Variants in ARHGEF12 observed in about 807,000 individuals in gnomAD.
ARHGEF12 encodes Rho guanine nucleotide exchange factor 12.
A neutral mutation model predicts 211.2 loss-of-function variants in ARHGEF12; 66 were observed. The ratio of observed to expected loss-of-function variants is 0.31; its 90% CI spans 0.26 to 0.38. The LOEUF (loss-of-function observed/expected upper bound fraction) is 0.38, where lower values mean the gene tolerates loss of function less well. ARHGEF12 is among the 10% of genes least tolerant of loss of function. The probability of loss-of-function intolerance (pLI) is 1.00; values close to 1 mark genes in which losing one functional copy is unlikely to be tolerated. For synonymous variants in ARHGEF12, 592 were observed against 638.4 expected (o/e 0.93, Z 1.09); for missense variants, 1,429 against 1,869.5 (o/e 0.76, Z 4.34).
At chr11:120,437,241 C>A in intron 11 of ARHGEF12, 67 bp from the exon 12 acceptor site, 3 of 1,124,718 alleles carry the variant, frequency 2.7e-6, no homozygotes, top group Non-Finnish European at 3.8e-6. Context: ...TTTTTTCACA[C>A]TTTTTTCCCT....
chr11:120,481,339 G>C lies in ARHGEF12; in HGVS notation c.4317G>C (p.Leu1439=). 1 of 1,614,124 alleles carries C rather than the reference G, an allele frequency of 6.2e-7. No individual in the cohort carries two copies. Among genetic ancestry groups the C allele is most frequent in the South Asian group, 1.1e-5 (1 of 91,080 alleles). Residue 1439 remains leucine, a synonymous_variant, in exon 39 of 41, where the codon CTG becomes CTC. Transcript: ENST00000397843. The part of the protein sequence containing the change: ...TDEEVASSLT[L]QPMTGIPAVE... Reference sequence around the variant, plus strand: ...AGGAGGTTGCTTCCTCACTTACCCTGCAGCCCATGACAGGCATCCCTGCTG... The same window carrying C: ...AGGAGGTTGCTTCCTCACTTACCCTCCAGCCCATGACAGGCATCCCTGCTG...
intron 1 of ARHGEF12, among the ~76,000 whole-genome samples, chr11:120,355,512 C>A (rs1269854169): frequency 6.6e-6 from 1 of 152,124 alleles, no homozygotes; most frequent in Non-Finnish European, 1.5e-5. Flanking sequence ...TTGACTAGAT[C>A]AGTATTTCCC....
Position 120,446,960 on chromosome 11 carries a change from T to C in ARHGEF12, c.1464T>C (p.Ser488=). ...CTATTCCCTTCAGGCAGAAACGTAG[T>C]ATGGGACTGACCTTGGCTGAAAGCG... is the stretch of plus-strand genomic sequence containing the variant. ...RHLEDFRQKR[S]MGLTLAESEL... Residue 488 remains serine (S), a synonymous_variant, in exon 18 of 41, where the codon AGT becomes AGC. Transcript: ENST00000397843. The C allele has an allele frequency of 6.2e-7, 1 of 1,614,056 alleles. No individual in the cohort carries two copies. Among genetic ancestry groups the C allele is most frequent in the Non-Finnish European group, 8.5e-7 (1 of 1,179,984 alleles).
intron 1 of ARHGEF12, among the ~76,000 whole-genome samples, chr11:120,377,711 T>TC (rs1206411986): frequency 6.6e-6 from 1 of 152,210 alleles, no homozygotes; most frequent in Non-Finnish European, 1.5e-5. Flanking sequence ...TGTTCCTTTT[T>TC]CTTACCATAA....
At chr11:120,482,057 T>A (rs761705683) in intron 39 of ARHGEF12, among the ~76,000 whole-genome samples, 1 of 152,064 alleles carries the variant, frequency 6.6e-6, no homozygotes, top group Non-Finnish European at 1.5e-5. Flanking sequence ...CCGCGCCCAG[T>A]CGGCATTGTT....
chr11:120,465,003 CAAAAAAAAGAA>C, intron 27 of ARHGEF12: 5 of 476,710 alleles, frequency 1.0e-5, no homozygotes, highest in South Asian at 6.1e-5. Flanking sequence ...AACACTGTCT[CAAAAAAAAGAA>C]AAAAAAAAGA....
chr11:120,359,147 A>C (rs147436336), intron 1 of ARHGEF12, among the ~76,000 whole-genome samples: 1 of 152,232 alleles, frequency 6.6e-6, no homozygotes, highest in East Asian at 1.9e-4. Context: ...TCATTTCTAT[A>C]ATCTGTTGGT....
At chr11:120,471,188 T>C (rs1224822783) in intron 30 of ARHGEF12, among the ~76,000 whole-genome samples, 1 of 152,178 alleles carries the variant, frequency 6.6e-6, no homozygotes, top group Non-Finnish European at 1.5e-5. Context: ...TTATTCATAA[T>C]AGCGAAAAGC....
At chr11:120,438,491 A>G (rs909542228) in intron 12 of ARHGEF12, 2 of 152,146 alleles carry the variant, frequency 1.3e-5, no homozygotes, top group Non-Finnish European at 2.9e-5. Context: ...AGGTTAAAGA[A>G]AATAATAAGA....
chr11:120,472,941 C>T (rs61898763), intron 30 of ARHGEF12, 109 bp from the exon 31 acceptor site: 22,876 of 949,548 alleles, frequency 0.024, 369 homozygotes, highest in Non-Finnish European at 0.031. Flanking sequence ...AGGTGTGAGC[C>T]ACCACGCCTG....
Position 120,487,805 on chromosome 11 carries a change from CT to C in ARHGEF12, c.*2732del. 4.5e-6 allele frequency: 1 copy of C among 220,274 alleles called. No individual in the cohort carries two copies. Among genetic ancestry groups the C allele is most frequent in the African/African-American group, 2.2e-5 (1 of 44,650 alleles). The allele number at this position is 220,274 out of a possible 1,614,324, so 13.6% of individuals were successfully genotyped here. A position where few individuals can be genotyped will look rare whatever the true frequency, so the allele number is the denominator to read the frequency against. On this transcript the variant is annotated 3_prime_UTR_variant, in exon 41 of 41. Transcript: ENST00000397843. Reference sequence around the variant, plus strand: ...AAATTACATGTAGAGTGTCTCCTTCCTTTTCAGAGAACAGTTAATCAAGGCA... The same window carrying C: ...AAATTACATGTAGAGTGTCTCCTTCCTTTCAGAGAACAGTTAATCAAGGCA...
intron 30 of ARHGEF12, among the ~76,000 whole-genome samples, chr11:120,470,544 G>A (rs1591634336): frequency 6.6e-6 from 1 of 152,154 alleles, no homozygotes; most frequent in East Asian, 1.9e-4. Flanking sequence ...ACCTCTAAGA[G>A]GACCATGTTG....
At chr11:120,463,915 G>A (rs1565501777) in intron 27 of ARHGEF12, 1 of 152,118 alleles carries the variant, frequency 6.6e-6, no homozygotes, top group Non-Finnish European at 1.5e-5. Context: ...CAAGTATAGA[G>A]GCTGTATTAA....
intron 1 of ARHGEF12, among the ~76,000 whole-genome samples, chr11:120,378,875 TTAAA>T (rs1474782497): frequency 6.6e-6 from 1 of 152,202 alleles, no homozygotes; most frequent in Non-Finnish European, 1.5e-5. Flanking sequence ...CTTTAAGTCT[TTAAA>T]TAAGGTAATA....
At chr11:120,361,094 A>G (rs1294410899) in intron 1 of ARHGEF12, among the ~76,000 whole-genome samples, 1 of 152,202 alleles carries the variant, frequency 6.6e-6, no homozygotes, top group Non-Finnish European at 1.5e-5. Flanking sequence ...ACTTTGTCCA[A>G]CTTTATTGTT....
intron 11 of ARHGEF12, among the ~76,000 whole-genome samples, chr11:120,436,466 C>G (rs928708602): frequency 6.6e-6 from 1 of 152,102 alleles, no homozygotes; most frequent in African/African-American, 2.4e-5. Flanking sequence ...GAATGTCTCC[C>G]GTTGCTTTGG....
intron 1 of ARHGEF12, among the ~76,000 whole-genome samples, chr11:120,340,493 G>A (rs1431070670): frequency 6.6e-6 from 1 of 152,084 alleles, no homozygotes; most frequent in African/African-American, 2.4e-5. Flanking sequence ...AACTTAAGCA[G>A]ATTTTTAAAG....
At chr11:120,361,403 T>A (rs1475973062) in intron 1 of ARHGEF12, among the ~76,000 whole-genome samples, 1 of 152,216 alleles carries the variant, frequency 6.6e-6, no homozygotes, top group African/African-American at 2.4e-5. Flanking sequence ...AAACCGTACG[T>A]ACACTCAAAT....
chr11:120,408,064 GATAATA>G (rs1436013357), intron 3 of ARHGEF12: 3 of 350,054 alleles, frequency 8.6e-6, no homozygotes. Context: ...TTTAAATAGT[GATAATA>G]ATAGAAATGG....
Sources: allele counts gnomAD v4.1 joint callset (sites outside exome capture counted in the v4.1 genomes callset), GRCh38; gene constraint gnomAD v4.1.1; transcripts MANE v1.5; gene names NCBI Gene and HGNC (gene_info 2026-07-23, HGNC 2026-07-21).